Variants in TAC4 observed in about 807,000 individuals in gnomAD.
The protein encoded by TAC4 is tachykinin-4.
Under a neutral mutation model 17.7 loss-of-function variants are expected in TAC4, and 17 were observed. That is an observed-to-expected ratio of 0.96 (90% CI 0.66 to 1.44). The LOEUF is 1.44. Among genes scored for constraint, TAC4 ranks in the 40% most tolerant of loss-of-function variants. The probability of loss-of-function intolerance (pLI) is 0.00; values close to 1 mark genes in which losing one functional copy is unlikely to be tolerated. For synonymous variants in TAC4, 62 were observed against 52.4 expected (o/e 1.18, Z -0.79); for missense variants, 118 against 125.6 (o/e 0.94, Z 0.29).
chr17:49,841,856 G>T (rs139014085), intron 2 of TAC4, among the ~76,000 whole-genome samples: 193 of 147,358 alleles, frequency 1.3e-3, no homozygotes, highest in African/African-American at 4.6e-3. Context: ...CTGAGCCTTA[G>T]TTTCCCCGCT....
chr17:49,846,199 C>G (rs2074537561), intron 1 of TAC4: 2 of 1,289,084 alleles, frequency 1.6e-6, no homozygotes, highest in African/African-American at 3.0e-5. Context: ...ATCCCCAACT[C>G]CAGGGATGAC....
chr17:49,847,692 G>GACACACACACAC (rs150685532), intron 1 of TAC4: 29 of 434,252 alleles, frequency 6.7e-5, no homozygotes, highest in Admixed American at 3.9e-4. Flanking sequence ...CACACACACA[G>GACACACACACAC]ACACACACAC....
rs1242624017 is a variant in TAC4, at chr17:49,838,591, A to G, written c.*51T>C. On this transcript the variant is annotated 3_prime_UTR_variant, in exon 5 of 5. Coordinates refer to ENST00000436235, the MANE Select transcript of TAC4 (RefSeq NM_001077506.2). ...TGCCGGCTTGTCAGCTGTGACATCCAGGTAGGAAGAAGCGGCACCGTGTCC... is the reference window on the plus strand; with the variant it reads ...TGCCGGCTTGTCAGCTGTGACATCCGGGTAGGAAGAAGCGGCACCGTGTCC... The G allele has an allele frequency of 1.9e-6, 3 of 1,611,826 alleles. No homozygotes were observed. The South Asian group carries it at 3.3e-5, about 18-fold the overall frequency.
Position 49,841,559 on chromosome 17 carries a change from T to G in TAC4, c.225A>C (p.Arg75Ser). The G allele has an allele frequency of 6.3e-7, 1 of 1,580,768 alleles. No individual in the cohort carries two copies. The highest frequency in any genetic ancestry group is 8.6e-7 in the Non-Finnish European group (1 of 1,164,474). The change falls in exon 3 of 5, where the codon AGA becomes AGC. Residue 75 changes from arginine to serine, a missense_variant. Transcript: ENST00000436235. ...VGGRPLIQPRRKKAYQLEHTF... is the reference protein window; with the variant it reads ...VGGRPLIQPRSKKAYQLEHTF... Reference sequence around the variant, plus strand: ...GGTTTGGGCAATACTTACCTTTTTTTCTCCTTGGCTGGATCAGAGGTCTTC... The same window carrying G: ...GGTTTGGGCAATACTTACCTTTTTTGCTCCTTGGCTGGATCAGAGGTCTTC...
At chr17:49,839,198 C>T (rs906387852) in intron 4 of TAC4, among the ~76,000 whole-genome samples, 1 of 152,172 alleles carries the variant, frequency 6.6e-6, no homozygotes, top group African/African-American at 2.4e-5. Context: ...AAGTCTGCAG[C>T]TCCGGTGGAA....
chr17:49,843,239 T>A (rs1378200880), intron 2 of TAC4, among the ~76,000 whole-genome samples: 1 of 152,256 alleles, frequency 6.6e-6, no homozygotes, highest in Non-Finnish European at 1.5e-5. Flanking sequence ...TTAAAAAATG[T>A]AATATTGACA....
chr17:49,839,988 ACAGGGCCAGGGCGAGGGCCGGGGC>A (rs1374940817), intron 3 of TAC4, 79 bp from the exon 4 acceptor site: 8 of 1,451,880 alleles, frequency 5.5e-6, no homozygotes, highest in Non-Finnish European at 6.7e-6. Flanking sequence ...AGGACAAAGG[ACAGGGCCAGGGCGAGGGCCGGGGC>A]CAGGGCTGGG....
At chr17:49,842,098 G>A (rs530995709) in intron 2 of TAC4, among the ~76,000 whole-genome samples, 1 of 150,770 alleles carries the variant, frequency 6.6e-6, no homozygotes, top group South Asian at 2.1e-4. Context: ...TAGAGATGGG[G>A]TTTCACCACA....
chr17:49,847,849 C>A, intron 1 of TAC4, 64 bp downstream of exon 1: 1 of 1,611,944 alleles, frequency 6.2e-7, no homozygotes, highest in South Asian at 1.1e-5. Flanking sequence ...TGCCTCTGCA[C>A]TGCCGATTAT....
chr17:49,838,459 A>G lies in TAC4; in HGVS notation c.*183T>C. ...CGGCGAAGCTGTGCATTTATGCAGG[A>G]CTGCTGCTTGACACTGAGAGTCCAG... On this transcript the variant is annotated 3_prime_UTR_variant, in exon 5 of 5. Coordinates refer to ENST00000436235, the MANE Select transcript of TAC4 (RefSeq NM_001077506.2). The G allele has an allele frequency of 4.2e-6, 3 of 720,320 alleles. No homozygotes were observed. In the South Asian group the frequency reaches 4.9e-5, roughly 12 times the overall value. 44.6% of individuals were successfully genotyped at this position (720,320 alleles called of 1,614,324 possible).
intron 2 of TAC4, among the ~76,000 whole-genome samples, chr17:49,842,734 C>A (rs528845919): frequency 3.2e-4 from 48 of 152,244 alleles, no homozygotes; most frequent in African/African-American, 1.1e-3. Flanking sequence ...TCCCTTTCTC[C>A]CCCCTCATCT....
At chr17:49,847,690 CAG>C (rs369509336) in intron 1 of TAC4, 35,088 of 314,674 alleles carry the variant, frequency 0.11, 669 homozygotes, top group Non-Finnish European at 0.14. Flanking sequence ...CACACACACA[CAG>C]ACACACACAC....
chr17:49,841,105 C>T (rs188179942), intron 3 of TAC4, among the ~76,000 whole-genome samples: 81 of 151,788 alleles, frequency 5.3e-4, no homozygotes, highest in Admixed American at 2.5e-3. Flanking sequence ...AGGCTGGTCT[C>T]GAACTCCTGA....
In TAC4 at chr17:49,840,897, T is replaced by TC. The variant is rs1187562820; in HGVS notation, c.232+654_232+655insG. Among the ~76,000 whole-genome samples the TC allele has an allele frequency of 4.3e-5, 6 of 138,456 alleles. No individual in the cohort carries two copies. In the East Asian group the frequency reaches 1.0e-3, roughly 23 times the overall value. 90.8% of individuals were successfully genotyped at this position (138,456 alleles called of 152,430 possible). A position where few individuals can be genotyped will look rare whatever the true frequency, so the allele number is the denominator to read the frequency against. On this transcript the variant is annotated intron_variant, in intron 3 of 4. Transcript: ENST00000436235. ...CTTCTTAGATTTGTACTTTTTTTTT[T>TC]TTTTTTTTTTTTTTTGAGACAGAGT...
rs1009116312 is a variant in TAC4 at position 49,838,438 on chromosome 17, G to A, written c.*204C>T. Reference sequence around the variant, plus strand: ...CAGAGTCAGTGCAGCTTGCTACGGCGAAGCTGTGCATTTATGCAGGACTGC... The same window carrying A: ...CAGAGTCAGTGCAGCTTGCTACGGCAAAGCTGTGCATTTATGCAGGACTGC... On this transcript the variant is annotated 3_prime_UTR_variant, in exon 5 of 5. Transcript: ENST00000436235. 7 of 664,004 alleles carry A rather than the reference G, an allele frequency of 1.1e-5. No homozygotes were observed. Among genetic ancestry groups the A allele is most frequent in the Admixed American group, 2.9e-5 (1 of 34,772 alleles). 41.1% of individuals were successfully genotyped at this position (664,004 alleles called of 1,614,324 possible).
intron 1 of TAC4, 100 bp downstream of exon 1, chr17:49,847,813 T>C: frequency 2.5e-6 from 4 of 1,595,484 alleles, no homozygotes; most frequent in Non-Finnish European, 3.4e-6. Flanking sequence ...CTGCCTGCTC[T>C]CCCAGCAGCC....
rs1323406495 is a variant in TAC4, at chr17:49,846,289, T to G, written c.105+1624A>C. 2.4e-6 allele frequency: 3 copies of G among 1,272,544 alleles called. No homozygotes were observed. In the South Asian group the frequency reaches 3.7e-5, roughly 16 times the overall value. The allele number at this position is 1,272,544 out of a possible 1,614,324, so 78.8% of individuals were successfully genotyped here. ...ATTCCTGTTACCTCATTTTTTTTTT[T>G]TTTTTGAGACAGGGTCTCGCTCTGT... On this transcript the variant is annotated intron_variant, in intron 1 of 4. Transcript: ENST00000436235.
intron 2 of TAC4, among the ~76,000 whole-genome samples, chr17:49,842,064 C>T (rs1428297452): frequency 1.3e-5 from 2 of 151,176 alleles, no homozygotes; most frequent in Admixed American, 6.6e-5. Flanking sequence ...CCACCACGCC[C>T]GGCTAATTTT....
intron 3 of TAC4, among the ~76,000 whole-genome samples, chr17:49,840,237 T>G (rs2074486814): frequency 6.6e-6 from 1 of 152,088 alleles, no homozygotes; most frequent in African/African-American, 2.4e-5. Context: ...TGCCTGCCTG[T>G]TGGGGGGCTT....
Sources: gnomAD v4.1 joint callset for allele counts (sites outside exome capture counted in the v4.1 genomes callset) on GRCh38, gnomAD v4.1.1 for gene constraint, MANE v1.5 for transcripts, NCBI Gene and HGNC (gene_info 2026-07-23, HGNC 2026-07-21) for gene names.